Variants in FBXL7 observed in about 807,000 individuals in gnomAD.
FBXL7 encodes F-box/LRR-repeat protein 7.
Under a neutral mutation model 38.3 loss-of-function variants are expected in FBXL7, and 12 were observed. The observed-to-expected ratio is 0.31, with a 90% CI of 0.20 to 0.51. The LOEUF is 0.51. Ranked by LOEUF, FBXL7 falls within the 20% of genes least tolerant of loss-of-function variation. FBXL7 has a pLI of 0.98. For missense variants in FBXL7, 567 were observed against 676.4 expected, an observed-to-expected ratio of 0.84 and a Z score of 1.79; for synonymous variants, 297 against 300.9, an observed-to-expected ratio of 0.99 and a Z score of 0.13.
chr5:15,682,992 A>C (rs1742897846), intron 2 of FBXL7, among the ~76,000 whole-genome samples: 1 of 152,244 alleles, frequency 6.6e-6, no homozygotes, highest in Non-Finnish European at 1.5e-5. Flanking sequence ...AATAAACTGT[A>C]GCCCTAATTA....
At chr5:15,767,191 G>T (rs1188570865) in intron 2 of FBXL7, among the ~76,000 whole-genome samples, 2 of 151,808 alleles carry the variant, frequency 1.3e-5, no homozygotes, top group Admixed American at 1.3e-4. Flanking sequence ...CCCAGTGTGC[G>T]TTGTCACGCC....
chr5:15,569,251 C>T (rs1292111984), intron 1 of FBXL7, among the ~76,000 whole-genome samples: 1 of 151,764 alleles, frequency 6.6e-6, no homozygotes, highest in Admixed American at 6.6e-5. Context: ...TTGTTTGTAT[C>T]CTCTTTTATT....
intron 2 of FBXL7, among the ~76,000 whole-genome samples, chr5:15,844,097 A>G (rs1260002910): frequency 1.3e-5 from 2 of 152,126 alleles, no homozygotes; most frequent in African/African-American, 4.8e-5. Context: ...AACTGTGGCA[A>G]TTTAGCACAG....
At chr5:15,702,600 A>T (rs559888353) in intron 2 of FBXL7, among the ~76,000 whole-genome samples, 2 of 152,266 alleles carry the variant, frequency 1.3e-5, no homozygotes, top group East Asian at 3.9e-4. Context: ...TGTTATCATC[A>T]TCTCCTTTTT....
chr5:15,879,405 A>G (rs900323837), intron 2 of FBXL7, among the ~76,000 whole-genome samples: 2 of 152,124 alleles, frequency 1.3e-5, no homozygotes, highest in Admixed American at 1.3e-4. Flanking sequence ...TCTGCACCAT[A>G]CTTAGCCTCT....
At chr5:15,523,113 T>G (rs566482192) in intron 1 of FBXL7, among the ~76,000 whole-genome samples, 1 of 152,330 alleles carries the variant, frequency 6.6e-6, no homozygotes, top group African/African-American at 2.4e-5. Flanking sequence ...ATTTCCATCA[T>G]TGAGAAAGTC....
At chr5:15,854,731 G>T (rs1739202894) in intron 2 of FBXL7, among the ~76,000 whole-genome samples, 1 of 152,102 alleles carries the variant, frequency 6.6e-6, no homozygotes, top group South Asian at 2.1e-4. Context: ...GCTGAAGCGA[G>T]TGACAAACAT....
At chr5:15,533,242 A>T (rs1393506818) in intron 1 of FBXL7, among the ~76,000 whole-genome samples, 1 of 152,184 alleles carries the variant, frequency 6.6e-6, no homozygotes, top group Non-Finnish European at 1.5e-5. Flanking sequence ...CTCTTCTCTT[A>T]ATGCTCTGTG....
intron 2 of FBXL7, among the ~76,000 whole-genome samples, chr5:15,792,348 G>C (rs1737298027): frequency 6.6e-6 from 1 of 152,104 alleles, no homozygotes; most frequent in Admixed American, 6.5e-5. Context: ...TTAGTCATGT[G>C]CTGGTGGATA....
At chr5:15,824,887 T>C (rs1738269738) in intron 2 of FBXL7, among the ~76,000 whole-genome samples, 3 of 152,294 alleles carry the variant, frequency 2.0e-5, no homozygotes, top group South Asian at 4.1e-4. Context: ...GGCCAATCTT[T>C]TCAGTTTTGA....
intron 2 of FBXL7, among the ~76,000 whole-genome samples, chr5:15,813,619 T>C (rs1215458890): frequency 6.6e-6 from 1 of 152,068 alleles, no homozygotes; most frequent in Admixed American, 6.6e-5. Flanking sequence ...CAAAAGAAAC[T>C]ATCATCAGAG....
intron 2 of FBXL7, among the ~76,000 whole-genome samples, chr5:15,896,094 A>G (rs1216564696): frequency 6.8e-6 from 1 of 147,670 alleles, no homozygotes; most frequent in Non-Finnish European, 1.5e-5. Context: ...GCAGGATCTC[A>G]GCTCACTGCA....
intron 1 of FBXL7, among the ~76,000 whole-genome samples, chr5:15,544,882 T>C (rs1737857485): frequency 6.6e-6 from 1 of 152,242 alleles, no homozygotes; most frequent in South Asian, 2.1e-4. Flanking sequence ...GTCTTATTCA[T>C]TGAGTTTTGG....
At chr5:15,533,953 C>CT (rs1276540323) in intron 1 of FBXL7, among the ~76,000 whole-genome samples, 2 of 152,128 alleles carry the variant, frequency 1.3e-5, no homozygotes, top group South Asian at 4.1e-4. Context: ...TTTTTTCCCC[C>CT]TTTTTTGTCT....
intron 2 of FBXL7, among the ~76,000 whole-genome samples, chr5:15,824,596 T>C (rs1217770208): frequency 6.6e-6 from 1 of 152,150 alleles, no homozygotes; most frequent in East Asian, 1.9e-4. Context: ...ATTAAAAAGC[T>C]AAGTGCAATT....
At chr5:15,584,799 T>C (rs1252996216) in intron 1 of FBXL7, among the ~76,000 whole-genome samples, 2 of 152,198 alleles carry the variant, frequency 1.3e-5, no homozygotes, top group African/African-American at 2.4e-5. Flanking sequence ...GACTGGGTAA[T>C]TTACAAAGGA....
chr5:15,727,537 T>G (rs557135819), intron 2 of FBXL7, among the ~76,000 whole-genome samples: 253 of 152,284 alleles, frequency 1.7e-3, no homozygotes, highest in Non-Finnish European at 3.2e-3. Flanking sequence ...GCTTTGAATA[T>G]ATTGGCCAAT....
chr5:15,595,699 C>A (rs982781784), intron 1 of FBXL7, among the ~76,000 whole-genome samples: 2 of 152,208 alleles, frequency 1.3e-5, no homozygotes, highest in South Asian at 2.1e-4. Flanking sequence ...GAGAGTTAAG[C>A]ATCTTTCCAA....
intron 2 of FBXL7, among the ~76,000 whole-genome samples, chr5:15,835,800 A>T (rs1034896826): frequency 4.6e-5 from 7 of 152,180 alleles, no homozygotes; most frequent in African/African-American, 7.2e-5. Context: ...TTTGCTTTGC[A>T]TAAGAGGCAC....
Sources: allele counts gnomAD v4.1 joint callset (sites outside exome capture counted in the v4.1 genomes callset), GRCh38; gene constraint gnomAD v4.1.1; transcripts MANE v1.5; gene names NCBI Gene and HGNC (gene_info 2026-07-23, HGNC 2026-07-21).